The following RGS7BP variants were observed in gnomAD, a reference collection of about 807,000 sequenced individuals.
RGS7BP encodes regulator of G protein signaling 7-binding protein.
Under a neutral mutation model 31.3 loss-of-function variants are expected in RGS7BP, and 9 were observed. That is an observed-to-expected ratio of 0.29 (90% confidence interval 0.17 to 0.50). The LOEUF is 0.50. Ranked by LOEUF, RGS7BP falls within the 20% of genes least tolerant of loss-of-function variation. The probability of loss-of-function intolerance (pLI) is 0.98; values close to 1 mark genes in which losing one functional copy is unlikely to be tolerated. For synonymous variants in RGS7BP, 115 were observed against 120.1 expected, an observed-to-expected ratio of 0.96 and a Z score of 0.28; for missense variants, 274 against 322.0, an observed-to-expected ratio of 0.85 and a Z score of 1.14.
chr5:64,599,471 G>A (rs1743164311), intron 5 of RGS7BP, among the ~76,000 whole-genome samples: 1 of 152,176 alleles, frequency 6.6e-6, no homozygotes, highest in Admixed American at 6.5e-5. Context: ...AGCAGAAGGT[G>A]GAGGGGTGGA....
intron 2 of RGS7BP, among the ~76,000 whole-genome samples, chr5:64,563,698 T>G (rs1310679000): frequency 6.6e-6 from 1 of 152,166 alleles, no homozygotes; most frequent in Non-Finnish European, 1.5e-5. Context: ...AGTATATTTC[T>G]GATTAAGCCA....
intron 2 of RGS7BP, among the ~76,000 whole-genome samples, chr5:64,534,931 G>T (rs570282650): frequency 1.3e-5 from 2 of 152,280 alleles, no homozygotes; most frequent in South Asian, 4.2e-4. Context: ...AGGAAGAAAA[G>T]GAAGATCCAG....
intron 2 of RGS7BP, among the ~76,000 whole-genome samples, chr5:64,529,555 G>A (rs1458866419): frequency 6.6e-6 from 1 of 152,160 alleles, no homozygotes; most frequent in Non-Finnish European, 1.5e-5. Flanking sequence ...AATCGCCTGG[G>A]GAGCCTAAAA....
At chr5:64,545,274 G>A (rs1212972712) in intron 2 of RGS7BP, among the ~76,000 whole-genome samples, 2 of 152,052 alleles carry the variant, frequency 1.3e-5, no homozygotes, top group African/African-American at 4.8e-5. Flanking sequence ...TGAGATGGGG[G>A]AGTGGGGAGG....
At chr5:64,516,263 G>T (rs543150909) in intron 2 of RGS7BP, among the ~76,000 whole-genome samples, 1 of 152,140 alleles carries the variant, frequency 6.6e-6, no homozygotes, top group Non-Finnish European at 1.5e-5. Context: ...AGAAGCCAAA[G>T]CCCTCGTATT....
rs1741645312 is a variant in RGS7BP, at chr5:64,545,817, T to C, written c.333-29957T>C. On this transcript the variant is annotated intron_variant, in intron 2 of 5. Coordinates refer to ENST00000334025, the MANE Select transcript of RGS7BP (RefSeq NM_001029875.3). ...AGGAGGTTTAGGGGTGAGATAATAA[T>C]ATGGAATTTGGGGAACTTGTGAGAA... 2.0e-5 allele frequency among the ~76,000 whole-genome samples: 3 copies of C among 152,150 alleles called. No individual in the cohort carries two copies. In the South Asian group the frequency reaches 6.2e-4, roughly 32 times the overall value.
rs149715603 is a variant in RGS7BP, at chr5:64,592,441, G to T, written c.464-2269G>T. On this transcript the variant is annotated intron_variant, in intron 3 of 5. Transcript: ENST00000334025. ...TAAAATGATGTTTTACTTTGAAAAAGTTATGGAAGGGCATTTGTCTTGTAA... is the reference window on the plus strand; with the variant it reads ...TAAAATGATGTTTTACTTTGAAAAATTTATGGAAGGGCATTTGTCTTGTAA... 7.3e-3 allele frequency among the ~76,000 whole-genome samples: 1,114 copies of T among 152,204 alleles called. 9 individuals are homozygous for T. The highest frequency in any genetic ancestry group is 0.011 in the Non-Finnish European group (726 of 67,994).
chr5:64,588,653 A>C (rs1742825049), intron 3 of RGS7BP, among the ~76,000 whole-genome samples: 1 of 152,200 alleles, frequency 6.6e-6, no homozygotes, highest in Non-Finnish European at 1.5e-5. Context: ...ATGAAACTAC[A>C]ATAGGCTAAT....
At chr5:64,560,543 GTATATA>G (rs35400833) in intron 2 of RGS7BP, among the ~76,000 whole-genome samples, 71 of 147,290 alleles carry the variant, frequency 4.8e-4, no homozygotes, top group African/African-American at 1.6e-3. Context: ...TAATATCATT[GTATATA>G]TATATATATA....
chr5:64,530,053 G>A (rs115822674), intron 2 of RGS7BP, among the ~76,000 whole-genome samples: 368 of 152,264 alleles, frequency 2.4e-3, no homozygotes, highest in African/African-American at 8.0e-3. Flanking sequence ...GTGTTCAGAT[G>A]GTATCTTTGA....
intron 2 of RGS7BP, among the ~76,000 whole-genome samples, chr5:64,567,012 T>C (rs994536761): frequency 2.6e-5 from 4 of 151,382 alleles, no homozygotes; most frequent in Non-Finnish European, 4.4e-5. Context: ...AGATACACTT[T>C]AATTTTACCT....
At chr5:64,521,109 G>C (rs999356004) in intron 2 of RGS7BP, among the ~76,000 whole-genome samples, 1 of 152,158 alleles carries the variant, frequency 6.6e-6, no homozygotes, top group Admixed American at 6.5e-5. Context: ...CTGATTGTTA[G>C]GGCTTCAGGC....
chr5:64,545,196 T>C (rs1741624369), intron 2 of RGS7BP, among the ~76,000 whole-genome samples: 1 of 145,832 alleles, frequency 6.9e-6, no homozygotes, highest in Non-Finnish European at 1.5e-5. Context: ...AAAAAACTCA[T>C]AGGTAGGAAT....
chr5:64,506,833 G>C lies in RGS7BP; in HGVS notation c.165+44G>C, dbSNP rs375632958. 4,143 of 1,512,984 alleles carry C rather than the reference G, an allele frequency of 2.7e-3. 13 individuals are homozygous for C. The highest frequency in any genetic ancestry group is 3.5e-3 in the Non-Finnish European group (3,906 of 1,120,626). The allele number at this position is 1,512,984 out of a possible 1,614,324, so 93.7% of individuals were successfully genotyped here. On this transcript the variant is annotated intron_variant, in intron 1 of 5. Coordinates refer to ENST00000334025, the MANE Select transcript of RGS7BP (RefSeq NM_001029875.3). This position sits in a 1 kb window ranked among gnomAD's most constrained non-coding sequence, Gnocchi z 4.6. The stretch of plus-strand genomic sequence containing the variant: ...TCTTTTTTTTTTTTTTTAATTGAGA[G>C]GGGGTGGGGGGAGTCATGTATGTTA...
chr5:64,611,197 C>A lies in RGS7BP; in HGVS notation c.*1945C>A, dbSNP rs1277803418. 1.3e-5 allele frequency: 2 copies of A among 151,848 alleles called. No individual in the cohort carries two copies. The highest frequency in any genetic ancestry group is 1.9e-4 in the East Asian group (1 of 5,174). 9.4% of individuals were successfully genotyped at this position (151,848 alleles called of 1,614,324 possible). A position where few individuals can be genotyped will look rare whatever the true frequency, so the allele number is the denominator to read the frequency against. On this transcript the variant is annotated 3_prime_UTR_variant, in exon 6 of 6. Transcript: ENST00000334025. The stretch of plus-strand genomic sequence containing the variant: ...TTTCCTGAATCTAATTCATTTTCAC[C>A]CACTAAGGTCATTTCATTTAAGATC...
chr5:64,541,559 C>G lies in RGS7BP; in HGVS notation c.332+33682C>G, dbSNP rs111954399. 6.3e-3 allele frequency among the ~76,000 whole-genome samples: 958 copies of G among 152,352 alleles called. 12 individuals are homozygous for G. Among genetic ancestry groups the G allele is most frequent in the South Asian group, 0.01 (49 of 4,830 alleles). On this transcript the variant is annotated intron_variant, in intron 2 of 5. Coordinates refer to ENST00000334025, the MANE Select transcript of RGS7BP (RefSeq NM_001029875.3). ...ATGACAGCAACTGCATTCCAGGATC[C>G]TGGTCATCACCATAGGGTATTCTCA...
At chr5:64,592,092 G>C (rs1175773584) in intron 3 of RGS7BP, among the ~76,000 whole-genome samples, 1 of 152,108 alleles carries the variant, frequency 6.6e-6, no homozygotes, top group Non-Finnish European at 1.5e-5. Flanking sequence ...CATAAAGTCG[G>C]TACTATCGGT....
intron 2 of RGS7BP, among the ~76,000 whole-genome samples, chr5:64,534,249 G>T (rs1032286750): frequency 3.0e-5 from 4 of 134,322 alleles, no homozygotes; most frequent in African/African-American, 1.0e-4. Flanking sequence ...GAGCCTGACA[G>T]ACTGGAGTGT....
intron 2 of RGS7BP, among the ~76,000 whole-genome samples, chr5:64,554,357 T>A (rs1355081126): frequency 2.6e-5 from 4 of 152,170 alleles, no homozygotes; most frequent in Non-Finnish European, 4.4e-5. Flanking sequence ...ACAGCCAACC[T>A]CAAATTCCTT....
Sources: allele counts gnomAD v4.1 joint callset (sites outside exome capture counted in the v4.1 genomes callset), GRCh38; gene constraint gnomAD v4.1.1; non-coding constraint Gnocchi (gnomAD v3.1); transcripts MANE v1.5; gene names NCBI Gene and HGNC (gene_info 2026-07-23, HGNC 2026-07-21).